COL4A2: variants seen among roughly 807,000 people sequenced by gnomAD.
The protein encoded by COL4A2 is collagen alpha-2(IV) chain.
Under a neutral mutation model 200.2 loss-of-function variants are expected in COL4A2, and 99 were observed. That is an observed-to-expected ratio of 0.49 (90% CI 0.42 to 0.58). COL4A2 has a LOEUF of 0.58. Among genes scored for constraint, COL4A2 ranks in the 20% least tolerant of loss-of-function variants. The probability of loss-of-function intolerance (pLI) is 0.00; values close to 1 mark genes in which losing one functional copy is unlikely to be tolerated. For synonymous variants in COL4A2, 897 were observed against 900.6 expected, an observed-to-expected ratio of 1.00 and a Z score of 0.07; for missense variants, 1,950 against 2,314.1, an observed-to-expected ratio of 0.84 and a Z score of 3.23.
chr13:110,322,017 T>C (rs538919390), intron 3 of COL4A2, among the ~76,000 whole-genome samples: 1 of 152,360 alleles, frequency 6.6e-6, no homozygotes, highest in African/African-American at 2.4e-5. Context: ...TTGTAGTGAG[T>C]GGCAGAATTT....
At chr13:110,312,137 C>A (rs182349794) in intron 3 of COL4A2, among the ~76,000 whole-genome samples, 1 of 152,162 alleles carries the variant, frequency 6.6e-6, no homozygotes, top group Admixed American at 6.5e-5. Context: ...GGGAAAAGCA[C>A]GGGGTTCCTC....
chr13:110,455,230 G>A (rs576723941), intron 20 of COL4A2, among the ~76,000 whole-genome samples: 7 of 152,256 alleles, frequency 4.6e-5, no homozygotes, highest in Admixed American at 3.9e-4. Flanking sequence ...CGGGGTAAAA[G>A]CCAAGTCCGG....
chr13:110,349,735 A>G (rs1388672073), intron 3 of COL4A2, among the ~76,000 whole-genome samples: 7 of 151,970 alleles, frequency 4.6e-5, no homozygotes, highest in Non-Finnish European at 1.0e-4. Context: ...TGGTAAATCT[A>G]TCCATGCAAA....
At chr13:110,423,850 A>G (rs1003210558) in intron 4 of COL4A2, among the ~76,000 whole-genome samples, 35 of 152,170 alleles carry the variant, frequency 2.3e-4, no homozygotes, top group Admixed American at 2.0e-3. Flanking sequence ...CATTTCACTC[A>G]GCACAGAGTC....
At chr13:110,353,002 G>A (rs1877030633) in intron 3 of COL4A2, among the ~76,000 whole-genome samples, 1 of 152,210 alleles carries the variant, frequency 6.6e-6, no homozygotes, top group African/African-American at 2.4e-5. Context: ...AGGCACACCT[G>A]CAGGGGGCGT....
intron 3 of COL4A2, among the ~76,000 whole-genome samples, chr13:110,354,354 C>A (rs1299455231): frequency 1.3e-5 from 2 of 152,096 alleles, no homozygotes; most frequent in African/African-American, 2.4e-5. Flanking sequence ...AACTTTCTGG[C>A]TTAGTATGGA....
chr13:110,506,959 C>A (rs1476184537), intron 46 of COL4A2, among the ~76,000 whole-genome samples: 2 of 152,322 alleles, frequency 1.3e-5, no homozygotes, highest in South Asian at 2.1e-4. Context: ...TGGAGTCAGG[C>A]AGGGGCCATG....
At chr13:110,451,126 G>T (rs933150905) in intron 20 of COL4A2, among the ~76,000 whole-genome samples, 2 of 152,306 alleles carry the variant, frequency 1.3e-5, no homozygotes, top group Non-Finnish European at 2.9e-5. Context: ...TGCTCTTTCA[G>T]GTTATAACGT....
intron 4 of COL4A2, among the ~76,000 whole-genome samples, chr13:110,401,931 A>T (rs144239717): frequency 4.6e-5 from 7 of 152,234 alleles, no homozygotes; most frequent in African/African-American, 1.4e-4. Flanking sequence ...CACTAATCCC[A>T]CTCATGAGGA....
intron 4 of COL4A2, among the ~76,000 whole-genome samples, chr13:110,406,800 T>C (rs1373468829): frequency 6.6e-6 from 1 of 152,234 alleles, no homozygotes; most frequent in Non-Finnish European, 1.5e-5. Context: ...TATACATCTG[T>C]GCGTGTGTGT....
chr13:110,435,907 CA>C lies in COL4A2; in HGVS notation c.727-360del, dbSNP rs1339194893. ...TCGTTTATCTCGGTGCCCATCTTGG[CA>C]ACCAGTAGAGTAATACCTGTCAAAA... On this transcript the variant is annotated intron_variant, in intron 12 of 47. Coordinates refer to ENST00000360467, the MANE Select transcript of COL4A2 (RefSeq NM_001846.4). Among the ~76,000 whole-genome samples the C allele has an allele frequency of 5.3e-5, 8 of 152,110 alleles. No homozygotes were observed. The East Asian group carries it at 1.4e-3, about 26-fold the overall frequency.
intron 4 of COL4A2, among the ~76,000 whole-genome samples, chr13:110,381,520 G>A (rs142843520): frequency 3.7e-4 from 56 of 152,344 alleles, no homozygotes; most frequent in African/African-American, 1.3e-3. Flanking sequence ...GCATCTTTCT[G>A]CCAGGTGGGT....
At chr13:110,477,731 T>C (rs1244784548) in intron 29 of COL4A2, among the ~76,000 whole-genome samples, 1 of 152,238 alleles carries the variant, frequency 6.6e-6, no homozygotes, top group African/African-American at 2.4e-5. Flanking sequence ...GTTAAAACTA[T>C]ACTTATAGTG....
chr13:110,392,068 A>G (rs1879004193), intron 4 of COL4A2, among the ~76,000 whole-genome samples: 1 of 152,232 alleles, frequency 6.6e-6, no homozygotes, highest in Non-Finnish European at 1.5e-5. Flanking sequence ...GTTTTCAACA[A>G]CAAATGGCAG....
chr13:110,343,726 C>G (rs1168771200), intron 3 of COL4A2, among the ~76,000 whole-genome samples: 1 of 152,226 alleles, frequency 6.6e-6, no homozygotes, highest in Non-Finnish European at 1.5e-5. Flanking sequence ...CTTGCCTAGA[C>G]CAGTCTTCAC....
intron 47 of COL4A2, among the ~76,000 whole-genome samples, chr13:110,510,332 C>A (rs2139562666): frequency 6.6e-6 from 1 of 152,360 alleles, no homozygotes; most frequent in Admixed American, 6.5e-5. Flanking sequence ...TTCCTCCCCT[C>A]CCCTCGGTGG....
chr13:110,462,506 G>A, intron 24 of COL4A2, 122 bp downstream of exon 24: 1 of 782,766 alleles, frequency 1.3e-6, no homozygotes, highest in Non-Finnish European at 2.0e-6. Flanking sequence ...AGGACAGGCT[G>A]CTCATTCTGC....
chr13:110,398,546 A>C (rs1195506207), intron 4 of COL4A2, among the ~76,000 whole-genome samples: 1 of 152,134 alleles, frequency 6.6e-6, no homozygotes, highest in Non-Finnish European at 1.5e-5. Context: ...TAGTGGTTTT[A>C]GATTTTAGTG....
chr13:110,317,712 G>C (rs1262982401), intron 3 of COL4A2, among the ~76,000 whole-genome samples: 2 of 152,204 alleles, frequency 1.3e-5, no homozygotes, highest in East Asian at 3.8e-4. Flanking sequence ...CCCTCTCCAA[G>C]TCTGGCTTGA....
Sources: gnomAD v4.1 joint callset for allele counts (sites outside exome capture counted in the v4.1 genomes callset) on GRCh38, gnomAD v4.1.1 for gene constraint, MANE v1.5 for transcripts, NCBI Gene and HGNC (gene_info 2026-07-23, HGNC 2026-07-21) for gene names.